ADGRG7: variants seen among roughly 807,000 people sequenced by gnomAD.
The protein encoded by ADGRG7 is adhesion G protein-coupled receptor G7, also known as G-protein coupled receptor 128.
Under a neutral mutation model 88.6 loss-of-function variants are expected in ADGRG7, and 82 were observed. The observed-to-expected ratio is 0.93, with a 90% CI of 0.77 to 1.11. ADGRG7 has a LOEUF of 1.11. Ranked by LOEUF, ADGRG7 falls within the 50% of genes most tolerant of loss-of-function variation. The pLI is 0.00. For synonymous variants in ADGRG7, 381 were observed against 345.2 expected, an observed-to-expected ratio of 1.10 and a Z score of -1.15; for missense variants, 945 against 953.4, an observed-to-expected ratio of 0.99 and a Z score of 0.12.
chr3:100,620,654 A>G (rs1707298229), intron 1 of ADGRG7, among the ~76,000 whole-genome samples: 1 of 152,224 alleles, frequency 6.6e-6, no homozygotes, highest in South Asian at 2.1e-4. Context: ...TATCAAACTG[A>G]CAATCACAGT....
intron 15 of ADGRG7, among the ~76,000 whole-genome samples, chr3:100,669,540 A>C: frequency 1.9e-5 from 1 of 51,670 alleles, no homozygotes; most frequent in East Asian, 7.3e-4. Context: ...TCTCAAAAAA[A>C]AAAAAAAAAA....
At chr3:100,684,688 C>A (rs1368889186) in intron 15 of ADGRG7, among the ~76,000 whole-genome samples, 1 of 151,884 alleles carries the variant, frequency 6.6e-6, no homozygotes, top group African/African-American at 2.4e-5. Context: ...TCTATCACTG[C>A]CTCCTTAATT....
At chr3:100,646,941 C>T (rs1046876615) in intron 10 of ADGRG7, among the ~76,000 whole-genome samples, 2 of 152,120 alleles carry the variant, frequency 1.3e-5, no homozygotes, top group African/African-American at 2.4e-5. Flanking sequence ...GGGCAGATCA[C>T]GAGGTCAGGA....
At position 100,694,670 on chromosome 3, in the gene ADGRG7, G is replaced by A. The variant is rs2094999198; in HGVS notation, c.2137-74G>A. ...GTGCAGATGAGAAGGTTGGGTGGCA[G>A]AGTGAAATAAAATGTCTTCCTTGAT... On this transcript the variant is annotated intron_variant, in intron 15 of 15. Transcript: ENST00000273352. 8.0e-6 allele frequency: 11 copies of A among 1,370,326 alleles called. No homozygotes were observed. The South Asian group carries it at 1.3e-4, about 17-fold the overall frequency. The allele number at this position is 1,370,326 out of a possible 1,614,324, so 84.9% of individuals were successfully genotyped here.
At chr3:100,651,384 C>A (rs73145159) in intron 11 of ADGRG7, among the ~76,000 whole-genome samples, 1 of 152,322 alleles carries the variant, frequency 6.6e-6, no homozygotes, top group Non-Finnish European at 1.5e-5. Context: ...GTTGTACTGA[C>A]AATTATTTGG....
intron 15 of ADGRG7, among the ~76,000 whole-genome samples, chr3:100,683,095 C>T (rs958528930): frequency 4.6e-5 from 7 of 152,124 alleles, no homozygotes; most frequent in Non-Finnish European, 1.0e-4. Flanking sequence ...AGAGGAGCTA[C>T]CCACTGCGGC....
At chr3:100,633,124 T>C (rs1242622795) in intron 3 of ADGRG7, 141 bp from the exon 4 acceptor site, 7 of 393,914 alleles carry the variant, frequency 1.8e-5, no homozygotes, top group Non-Finnish European at 2.7e-5. Flanking sequence ...ATCAAGATAA[T>C]AAGTGGTATC....
At chr3:100,664,289 G>A (rs891232726) in intron 14 of ADGRG7, among the ~76,000 whole-genome samples, 2 of 152,090 alleles carry the variant, frequency 1.3e-5, no homozygotes, top group African/African-American at 4.8e-5. Context: ...AGGACATTAA[G>A]CGGTGCTTTA....
chr3:100,695,041 G>T lies in ADGRG7; in HGVS notation c.*40G>T. The T allele has an allele frequency of 6.3e-7, 1 of 1,584,862 alleles. No individual in the cohort carries two copies. ...CTGTTGTGGTCTTTTTAATCACCTC[G>T]TTTGAGTTTTATCTGTTTCTCTCCT... On this transcript the variant is annotated 3_prime_UTR_variant, in exon 16 of 16. Coordinates refer to ENST00000273352, the MANE Select transcript of ADGRG7 (RefSeq NM_032787.3).
rs1234364020 is a variant in ADGRG7, at chr3:100,633,248, AT to A, written c.335-14del. 1 of 1,274,584 alleles carries A rather than the reference AT, an allele frequency of 7.8e-7. No homozygotes were observed. The highest frequency in any genetic ancestry group is 1.0e-6 in the Non-Finnish European group (1 of 966,018). 79.0% of individuals were successfully genotyped at this position (1,274,584 alleles called of 1,614,324 possible). On this transcript the variant is annotated splice_polypyrimidine_tract_variant and intron_variant, in intron 3 of 15. Coordinates refer to ENST00000273352, the MANE Select transcript of ADGRG7 (RefSeq NM_032787.3). The stretch of plus-strand genomic sequence containing the variant: ...AATAAATACTTATTTTTAATAAAAA[AT>A]TTCTTTGTATTAAAGCGGGCAATCC...
chr3:100,686,644 A>G (rs9812502), intron 15 of ADGRG7, among the ~76,000 whole-genome samples: 51,604 of 152,046 alleles, frequency 0.34, 9,276 homozygotes, highest in South Asian at 0.49. Flanking sequence ...TCCTTTCCCC[A>G]TTACTTGTTT....
chr3:100,633,452 G>A, intron 4 of ADGRG7, 75 bp downstream of exon 4: 1 of 673,340 alleles, frequency 1.5e-6, no homozygotes, highest in Non-Finnish European at 2.4e-6. Flanking sequence ...TCAGATACCT[G>A]ATGGTCAAAT....
chr3:100,618,334 G>T (rs550542989), intron 1 of ADGRG7, among the ~76,000 whole-genome samples: 1 of 152,164 alleles, frequency 6.6e-6, no homozygotes, highest in Admixed American at 6.5e-5. Context: ...TTCTTCTAGG[G>T]TTTTTATGGT....
chr3:100,666,646 C>T (rs539487135), intron 14 of ADGRG7, among the ~76,000 whole-genome samples: 6 of 152,164 alleles, frequency 3.9e-5, no homozygotes, highest in Non-Finnish European at 7.3e-5. Context: ...CTGCAAGAGG[C>T]ATGCCTTCCT....
chr3:100,616,975 A>G (rs2149011526), intron 1 of ADGRG7, among the ~76,000 whole-genome samples: 1 of 152,314 alleles, frequency 6.6e-6, no homozygotes, highest in South Asian at 2.1e-4. Flanking sequence ...ATAGAAGGCT[A>G]AAGTCCAACA....
intron 12 of ADGRG7, 111 bp downstream of exon 12, chr3:100,655,292 A>T (rs1401828376): frequency 7.1e-6 from 5 of 705,262 alleles, no homozygotes; most frequent in Non-Finnish European, 1.2e-5. Flanking sequence ...TTAAGAGGAG[A>T]TAGAAAATAT....
chr3:100,611,045 G>C (rs1352496748), intron 1 of ADGRG7, among the ~76,000 whole-genome samples: 1 of 152,130 alleles, frequency 6.6e-6, no homozygotes, highest in Admixed American at 6.5e-5. Context: ...AGTATTTAGA[G>C]AACTAGAATG....
At chr3:100,645,396 A>G (rs1402982855) in intron 8 of ADGRG7, among the ~76,000 whole-genome samples, 2 of 152,202 alleles carry the variant, frequency 1.3e-5, no homozygotes, top group African/African-American at 4.8e-5. Context: ...CAATAGTTGA[A>G]GAGATGGTGA....
At chr3:100,649,084 C>T (rs541690902) in intron 10 of ADGRG7, among the ~76,000 whole-genome samples, 1 of 152,252 alleles carries the variant, frequency 6.6e-6, no homozygotes, top group African/African-American at 2.4e-5. Context: ...TCCAGTTACA[C>T]ATAAAAATAA....
Sources: allele counts gnomAD v4.1 joint callset (sites outside exome capture counted in the v4.1 genomes callset), GRCh38; gene constraint gnomAD v4.1.1; transcripts MANE v1.5; gene names NCBI Gene and HGNC (gene_info 2026-07-23, HGNC 2026-07-21).